The following LUZP2 variants were observed in gnomAD, a reference collection of about 807,000 sequenced individuals.
LUZP2 encodes the protein leucine zipper protein 2.
In LUZP2, 52 loss-of-function variants were observed where a neutral mutation model predicts 51.6. The ratio of observed to expected loss-of-function variants is 1.01; its 90% CI spans 0.81 to 1.27. The LOEUF is 1.27. LUZP2 is among the 50% of genes most tolerant of loss of function. LUZP2 has a pLI of 0.00. For synonymous variants in LUZP2, 154 were observed against 137.3 expected (o/e 1.12, Z -0.85); for missense variants, 436 against 395.4 (o/e 1.10, Z -0.87).
chr11:24,659,727 T>C (rs1002485395), intron 1 of LUZP2, among the ~76,000 whole-genome samples: 1 of 152,102 alleles, frequency 6.6e-6, no homozygotes, highest in African/African-American at 2.4e-5. Context: ...TATTAAAATA[T>C]TTTTAAAATT....
chr11:24,583,473 T>C lies in LUZP2; in HGVS notation c.62+86168T>C, dbSNP rs1305775505. ...GTCGCTGGGTTGTGTGAGGAAACTA[T>C]CAATAAGTAAATGCTATCATTTGCT... On this transcript the variant is annotated intron_variant, in intron 1 of 11. Coordinates refer to ENST00000336930, the MANE Select transcript of LUZP2 (RefSeq NM_001009909.4). Among the ~76,000 whole-genome samples the C allele has an allele frequency of 2.6e-5, 4 of 151,388 alleles. No individual in the cohort carries two copies. In the East Asian group the frequency reaches 7.7e-4, roughly 29 times the overall value.
Position 25,024,230 on chromosome 11 carries a change from C to G in LUZP2, c.766-25808C>G, listed in dbSNP as rs1376845837. The stretch of plus-strand genomic sequence containing the variant: ...CGTTGATCTGCATTCCCTTTGAAAA[C>G]TGGCACAAGACAGGGATGCCCTCTC... On this transcript the variant is annotated intron_variant, in intron 9 of 11. Transcript: ENST00000336930. Among the ~76,000 whole-genome samples, 4 of 152,190 alleles carry G rather than the reference C, an allele frequency of 2.6e-5. No individual in the cohort carries two copies. The East Asian group carries it at 7.7e-4, about 29-fold the overall frequency.
Position 24,931,051 on chromosome 11 carries a change from AACT to A in LUZP2, c.522+16516_522+16518del, listed in dbSNP as rs758560722. ...ACATGGTGAAACCTGTCTCTACTAA[AACT>A]ACAAAAATTGGCTGGGCATGGTGGC... On this transcript the variant is annotated intron_variant, in intron 7 of 11. Transcript: ENST00000336930. Among the ~76,000 whole-genome samples the A allele has an allele frequency of 2.6e-4, 40 of 151,816 alleles. 1 individual carries two copies. In the East Asian group the frequency reaches 7.3e-3, roughly 28 times the overall value.
rs1014053475 is a variant in LUZP2 at position 24,894,190 on chromosome 11, T to G, written c.397-11801T>G. ...AAAGTAATTCATTTTTTTTTTTTTT[T>G]TGTGATGGAGTTTCATTCTTGTTAC... On this transcript the variant is annotated intron_variant, in intron 5 of 11. Transcript: ENST00000336930. 7.6e-4 allele frequency among the ~76,000 whole-genome samples: 116 copies of G among 151,806 alleles called. 1 individual carries two copies. The South Asian group carries it at 8.8e-3, about 11-fold the overall frequency.
chr11:24,530,762 C>CTTTTTT (rs367857815), intron 1 of LUZP2, among the ~76,000 whole-genome samples: 53 of 75,364 alleles, frequency 7.0e-4, no homozygotes, highest in Middle Eastern at 0.017. Flanking sequence ...CTTCTTCTTA[C>CTTTTTT]TTTTTTTTTT....
chr11:24,951,366 C>T lies in LUZP2; in HGVS notation c.523-25225C>T, dbSNP rs150664812. On this transcript the variant is annotated intron_variant, in intron 7 of 11. Transcript: ENST00000336930. ...GATAAGTATTATTCCTATTTTGTTG[C>T]AGTTGAAAAACTGAAGATTTGAGAA... is the stretch of plus-strand genomic sequence containing the variant. Among the ~76,000 whole-genome samples, 1,045 of 151,526 alleles carry T rather than the reference C, an allele frequency of 6.9e-3. 14 individuals carry two copies. Among genetic ancestry groups the T allele is most frequent in the African/African-American group, 0.021 (866 of 41,406 alleles).
At chr11:24,921,477 C>T (rs773904825) in intron 7 of LUZP2, among the ~76,000 whole-genome samples, 8 of 152,130 alleles carry the variant, frequency 5.3e-5, no homozygotes, top group Middle Eastern at 3.4e-3. Flanking sequence ...GAGAAGATGG[C>T]GGGAATTGCC....
intron 4 of LUZP2, among the ~76,000 whole-genome samples, chr11:24,754,116 T>C (rs1859688686): frequency 6.6e-6 from 1 of 152,174 alleles, no homozygotes; most frequent in Non-Finnish European, 1.5e-5. Context: ...CTCTCTCTTC[T>C]CTTTTTCTTT....
chr11:24,610,441 G>C (rs976635948), intron 1 of LUZP2, among the ~76,000 whole-genome samples: 1 of 152,178 alleles, frequency 6.6e-6, no homozygotes, highest in Non-Finnish European at 1.5e-5. Flanking sequence ...TTAAGGAACT[G>C]TGATTAGAAA....
At chr11:24,935,969 C>A (rs1450900323) in intron 7 of LUZP2, among the ~76,000 whole-genome samples, 1 of 152,046 alleles carries the variant, frequency 6.6e-6, no homozygotes, top group Admixed American at 6.5e-5. Context: ...TTTAGATGTT[C>A]CCTTTTTGTC....
At chr11:24,748,960 A>T (rs10834474) in intron 4 of LUZP2, among the ~76,000 whole-genome samples, 49,654 of 152,188 alleles carry the variant, frequency 0.33, 9,635 homozygotes, top group East Asian at 0.61. Context: ...AAAACATTTT[A>T]AAAATTACAT....
intron 7 of LUZP2, among the ~76,000 whole-genome samples, chr11:24,959,402 C>T (rs1855323694): frequency 6.6e-6 from 1 of 152,102 alleles, no homozygotes; most frequent in Non-Finnish European, 1.5e-5. Context: ...GAATGTTCTT[C>T]CATTTGTTTG....
chr11:24,881,797 AT>A (rs2134295864), intron 5 of LUZP2, among the ~76,000 whole-genome samples: 1 of 152,168 alleles, frequency 6.6e-6, no homozygotes, highest in South Asian at 2.1e-4. Context: ...ATTTTATAAA[AT>A]TTTTATGAAG....
intron 9 of LUZP2, among the ~76,000 whole-genome samples, chr11:24,990,847 A>T (rs2133925649): frequency 6.6e-6 from 1 of 151,870 alleles, no homozygotes; most frequent in South Asian, 2.1e-4. Flanking sequence ...AACAACCATC[A>T]CTCATAATGC....
Position 24,721,425 on chromosome 11 carries a change from A to G in LUZP2, c.63-7744A>G, listed in dbSNP as rs554211547. Among the ~76,000 whole-genome samples, 6 of 152,338 alleles carry G rather than the reference A, an allele frequency of 3.9e-5. No individual in the cohort carries two copies. The East Asian group carries it at 9.7e-4, about 25-fold the overall frequency. ...TGAAATATTGAAAGCTCTTTCTCCT[A>G]CAATCTGGAATAAGACAAAGATGTT... On this transcript the variant is annotated intron_variant, in intron 1 of 11. Coordinates refer to ENST00000336930, the MANE Select transcript of LUZP2 (RefSeq NM_001009909.4).
rs1046260048 is a variant in LUZP2, at chr11:24,566,390, C to T, written c.62+69085C>T. On this transcript the variant is annotated intron_variant, in intron 1 of 11. Coordinates refer to ENST00000336930, the MANE Select transcript of LUZP2 (RefSeq NM_001009909.4). ...CTGTCGCCAGGCTGAAGTGCAGTGG[C>T]GTGATACGGCTTACCACAACCTCCA... Among the ~76,000 whole-genome samples the T allele has an allele frequency of 1.3e-4, 18 of 143,770 alleles. No individual in the cohort carries two copies. In the East Asian group the frequency reaches 3.5e-3, roughly 28 times the overall value. The allele number at this position is 143,770 out of a possible 152,430, so 94.3% of individuals were successfully genotyped here. A position where few individuals can be genotyped will look rare whatever the true frequency, so the allele number is the denominator to read the frequency against.
intron 4 of LUZP2, among the ~76,000 whole-genome samples, chr11:24,743,023 T>C (rs1859243391): frequency 6.6e-6 from 1 of 152,084 alleles, no homozygotes; most frequent in African/African-American, 2.4e-5. Flanking sequence ...GGTTTATTTC[T>C]GGGTTCACTA....
intron 1 of LUZP2, among the ~76,000 whole-genome samples, chr11:24,549,420 C>T (rs1287051835): frequency 6.6e-6 from 1 of 151,964 alleles, no homozygotes; most frequent in African/African-American, 2.4e-5. Flanking sequence ...TGCCTGAGGT[C>T]GTTTTACTCT....
chr11:24,730,348 C>T (rs552270412), intron 2 of LUZP2, among the ~76,000 whole-genome samples: 1 of 151,496 alleles, frequency 6.6e-6, no homozygotes, highest in Non-Finnish European at 1.5e-5. Context: ...TATTTAAAGT[C>T]AATATCTAAG....
Sources: gnomAD v4.1 joint callset for allele counts (sites outside exome capture counted in the v4.1 genomes callset) on GRCh38, gnomAD v4.1.1 for gene constraint, MANE v1.5 for transcripts, NCBI Gene and HGNC (gene_info 2026-07-23, HGNC 2026-07-21) for gene names.